NCOA6: variants seen among roughly 807,000 people sequenced by gnomAD.
NCOA6 encodes NRC RAP250.
NCOA6 carries 49 observed loss-of-function variants against 171.4 expected under a neutral mutation model. That is an observed-to-expected ratio of 0.29 (90% CI 0.23 to 0.36). The LOEUF (loss-of-function observed/expected upper bound fraction) is 0.36, where lower values mean the gene tolerates loss of function less well. Among genes scored for constraint, NCOA6 ranks in the 10% least tolerant of loss-of-function variants. The pLI is 1.00. For missense variants in NCOA6, 2,248 were observed against 2,554.5 expected, an observed-to-expected ratio of 0.88 and a Z score of 2.59; for synonymous variants, 910 against 927.5, an observed-to-expected ratio of 0.98 and a Z score of 0.34.
At chr20:34,796,139 G>A (rs932159046) in intron 1 of NCOA6, among the ~76,000 whole-genome samples, 1 of 150,596 alleles carries the variant, frequency 6.6e-6, no homozygotes, top group Non-Finnish European at 1.5e-5. Context: ...CCCCAGAGTA[G>A]CTGGGACTAC....
chr20:34,751,301 C>T (rs868130263), intron 8 of NCOA6, among the ~76,000 whole-genome samples: 64 of 140,060 alleles, frequency 4.6e-4, no homozygotes, highest in African/African-American at 1.4e-3. Flanking sequence ...ACCCGGGAAG[C>T]GGAGCTTGCA....
chr20:34,813,904 G>A (rs1018447), intron 1 of NCOA6, among the ~76,000 whole-genome samples: 90,865 of 152,008 alleles, frequency 0.6, 27,557 homozygotes, highest in South Asian at 0.76. Flanking sequence ...TAGTTGTTCT[G>A]AAGAATAATC....
At chr20:34,748,976 C>T (rs1040574905) in intron 9 of NCOA6, among the ~76,000 whole-genome samples, 1 of 152,132 alleles carries the variant, frequency 6.6e-6, no homozygotes, top group African/African-American at 2.4e-5. Context: ...AACCCCCCGA[C>T]ACTGTAAAAT....
Position 34,740,578 on chromosome 20 carries a change from G to C in NCOA6, c.5678C>G (p.Pro1893Arg). ...TGCTGAGGCAGTGCCCGGGCCCACA[G>C]GGCTAGAGGTCATTTTTAGCAGAGT... The part of the protein sequence containing the change: ...APTLLKMTSS[P>R]VGPGTASAGP... The change falls in exon 11 of 15, where the codon CCT becomes CGT. Residue 1893 changes from proline to arginine, a missense_variant. By Grantham distance (103) the Pro-to-Arg change is moderately radical (BLOSUM62 -2). Coordinates refer to ENST00000359003, the MANE Select transcript of NCOA6 (RefSeq NM_014071.5). 2 of 1,614,170 alleles carry C rather than the reference G, an allele frequency of 1.2e-6. No individual in the cohort carries two copies. Among genetic ancestry groups the C allele is most frequent in the South Asian group, 1.1e-5 (1 of 91,080 alleles).
chr20:34,807,619 G>A (rs1323570466), intron 1 of NCOA6, among the ~76,000 whole-genome samples: 1 of 151,934 alleles, frequency 6.6e-6, no homozygotes, highest in African/African-American at 2.4e-5. Context: ...TCCGCCTCCT[G>A]GGTTCACACC....
chr20:34,727,030 C>G (rs191330941), intron 14 of NCOA6, among the ~76,000 whole-genome samples: 2 of 152,116 alleles, frequency 1.3e-5, no homozygotes, highest in African/African-American at 2.4e-5. Flanking sequence ...ATAAATCTGC[C>G]CTGTTATGTT....
intron 2 of NCOA6, among the ~76,000 whole-genome samples, chr20:34,787,115 A>C (rs545017115): frequency 2.3e-5 from 3 of 132,796 alleles, no homozygotes; most frequent in South Asian, 4.8e-4. Flanking sequence ...AACTTAAACA[A>C]ATTTATGAAA....
intron 14 of NCOA6, among the ~76,000 whole-genome samples, chr20:34,722,783 C>T (rs1274975143): frequency 6.6e-6 from 1 of 151,502 alleles, no homozygotes; most frequent in Non-Finnish European, 1.5e-5. Flanking sequence ...GTCAGGACTT[C>T]GAGACCAGCC....
chr20:34,746,658 C>A, intron 10 of NCOA6, 149 bp downstream of exon 10: 1 of 930,900 alleles, frequency 1.1e-6, no homozygotes, highest in Non-Finnish European at 1.5e-6. Context: ...AATATCAAGG[C>A]AAAGCTTCCA....
intron 1 of NCOA6, among the ~76,000 whole-genome samples, chr20:34,806,352 T>C (rs1364193168): frequency 6.6e-6 from 1 of 152,234 alleles, no homozygotes; most frequent in East Asian, 1.9e-4. Context: ...TTTTCTCCCA[T>C]TCTGCAGGTT....
In NCOA6 at chr20:34,749,929, C is replaced by T; in HGVS notation, c.2266G>A (p.Val756Met). 1.9e-6 allele frequency: 3 copies of T among 1,614,208 alleles called. No individual in the cohort carries two copies. Among genetic ancestry groups the T allele is most frequent in the Non-Finnish European group, 1.7e-6 (2 of 1,180,044 alleles). The change falls in exon 9 of 15, where the codon GTG becomes ATG. Residue 756 changes from valine to methionine, a missense_variant. By Grantham distance (21) the Val-to-Met change is conservative. Transcript: ENST00000359003. Reference sequence around the variant, plus strand: ...CCTGACATCTGTCCCGTAAACTGCACCATATTTCCTTGCATGTTTGGAGTT... The same window carrying T: ...CCTGACATCTGTCCCGTAAACTGCATCATATTTCCTTGCATGTTTGGAGTT... The part of the protein sequence containing the change: ...GPTPNMQGNM[V>M]QFTGQMSGQM...
chr20:34,715,936 G>C (rs1489778743), intron 14 of NCOA6, among the ~76,000 whole-genome samples: 2 of 152,210 alleles, frequency 1.3e-5, no homozygotes, highest in South Asian at 2.1e-4. Context: ...ATTGTGGAAG[G>C]CTGGGCGTGG....
At chr20:34,769,677 T>A (rs1464651581) in intron 4 of NCOA6, among the ~76,000 whole-genome samples, 1 of 152,162 alleles carries the variant, frequency 6.6e-6, no homozygotes, top group Non-Finnish European at 1.5e-5. Flanking sequence ...ATAGGATTTT[T>A]AATTTTACCT....
At chr20:34,740,122 C>G (rs1262008084) in intron 11 of NCOA6, among the ~76,000 whole-genome samples, 1 of 152,218 alleles carries the variant, frequency 6.6e-6, no homozygotes, top group Non-Finnish European at 1.5e-5. Context: ...CTCGGCCTCC[C>G]AAAGTGCTGG....
chr20:34,778,441 T>C (rs1201346456), intron 3 of NCOA6, among the ~76,000 whole-genome samples: 1 of 151,748 alleles, frequency 6.6e-6, no homozygotes, highest in Non-Finnish European at 1.5e-5. Context: ...ATTTTTTTTT[T>C]TTTTTGAGAC....
At chr20:34,785,193 T>C (rs1226352681) in intron 2 of NCOA6, among the ~76,000 whole-genome samples, 1 of 145,448 alleles carries the variant, frequency 6.9e-6, no homozygotes, top group Non-Finnish European at 1.6e-5. Flanking sequence ...TCTTCTGTTA[T>C]AAGTAAATAT....
chr20:34,758,571 C>T (rs540040797), intron 6 of NCOA6, among the ~76,000 whole-genome samples: 8 of 152,146 alleles, frequency 5.3e-5, no homozygotes, highest in African/African-American at 1.4e-4. Flanking sequence ...TGCAGGACTA[C>T]GCAGGCCAAG....
Position 34,755,335 on chromosome 20 carries a change from C to T in NCOA6, c.1529-467G>A, listed in dbSNP as rs77356158. Among the ~76,000 whole-genome samples, 632 of 152,262 alleles carry T rather than the reference C, an allele frequency of 4.2e-3. 2 individuals carry two copies. The highest frequency in any genetic ancestry group is 0.015 in the African/African-American group (604 of 41,546). On this transcript the variant is annotated intron_variant, in intron 7 of 14. Transcript: ENST00000359003. ...TATTAAGGATAGATTGATTATTTTT[C>T]CTTTGAGGGAAACTGATGGCAATCT...
chr20:34,740,417 C>A lies in NCOA6; in HGVS notation c.5839G>T (p.Gly1947Cys), dbSNP rs139796815. 2 of 1,614,068 alleles carry A rather than the reference C, an allele frequency of 1.2e-6. No individual in the cohort carries two copies. Among genetic ancestry groups the A allele is most frequent in the African/African-American group, 2.7e-5 (2 of 74,910 alleles). The change falls in exon 11 of 15, where the codon GGT becomes TGT. Residue 1947 changes from glycine to cysteine, a missense_variant. Physicochemically the swap from Gly to Cys is radical, Grantham distance 159 (BLOSUM62 -3). Around this residue, in one of 7 missense-constraint regions of NCOA6, gnomAD observed 884 missense variants for 941.9 expected, o/e 0.94. Coordinates refer to ENST00000359003, the MANE Select transcript of NCOA6 (RefSeq NM_014071.5). ...CCCACCTTCTCCTCCACTAGGCCACCCGCAAGTGACTCAGATGCTATGCCA... is the reference window on the plus strand; with the variant it reads ...CCCACCTTCTCCTCCACTAGGCCACACGCAAGTGACTCAGATGCTATGCCA... The part of the protein sequence containing the change: ...HGGIASESLA[G>C]GLVEEKVGSH...
Sources: gnomAD v4.1 joint callset for allele counts (sites outside exome capture counted in the v4.1 genomes callset) on GRCh38, gnomAD v4.1.1 for gene constraint, gnomAD v4.1.1 regional missense constraint, MANE v1.5 for transcripts, NCBI Gene and HGNC (gene_info 2026-07-23, HGNC 2026-07-21) for gene names.